The following SOD1 variants were observed in gnomAD, a reference collection of about 807,000 sequenced individuals.
SOD1 encodes superoxide dismutase [Cu-Zn].
Under a neutral mutation model 15.9 loss-of-function variants are expected in SOD1, and 8 were observed. The observed-to-expected ratio is 0.50, with a 90% CI of 0.30 to 0.91. The LOEUF (loss-of-function observed/expected upper bound fraction) is 0.91, where lower values mean the gene tolerates loss of function less well. Among genes scored for constraint, SOD1 ranks in the 40% least tolerant of loss-of-function variants. The pLI is 0.07. For missense variants in SOD1, 137 were observed against 194.5 expected (o/e 0.70, Z 1.76); for synonymous variants, 86 against 71.2 (o/e 1.21, Z -1.04).
intron 4 of SOD1, among the ~76,000 whole-genome samples, chr21:31,667,832 A>C (rs1344640343): frequency 6.6e-6 from 1 of 152,230 alleles, no homozygotes; most frequent in African/African-American, 2.4e-5. Flanking sequence ...GGGGAACTGC[A>C]TCTGGTTCTT....
At chr21:31,665,409 A>G (rs1390629182) in intron 2 of SOD1, among the ~76,000 whole-genome samples, 1 of 152,226 alleles carries the variant, frequency 6.6e-6, no homozygotes, top group Non-Finnish European at 1.5e-5. Flanking sequence ...GTGATTTGTA[A>G]TGATCAGATT....
intron 2 of SOD1, chr21:31,664,221 C>T (rs563668113): frequency 3.1e-6 from 1 of 327,828 alleles, no homozygotes; most frequent in African/African-American, 2.1e-5. Context: ...GGTCTATCCT[C>T]CTCGACCTCC....
At chr21:31,663,271 C>T (rs1209254707) in intron 1 of SOD1, among the ~76,000 whole-genome samples, 2 of 151,024 alleles carry the variant, frequency 1.3e-5, no homozygotes, top group African/African-American at 4.9e-5. Context: ...ACCCGGGAGG[C>T]GGAGCTTGCA....
Position 31,666,527 on chromosome 21 carries a change from A to G in SOD1, c.239+9A>G. On this transcript the variant is annotated intron_variant, in intron 3 of 4. Transcript: ENST00000270142. ...CCAAAGGATGAAGAGAGGTAACAAG[A>G]TGCTTAACTCTTGTAATAATGGCGA... 6.3e-7 allele frequency: 1 copy of G among 1,593,024 alleles called. No individual in the cohort carries two copies. The highest frequency in any genetic ancestry group is 8.6e-7 in the Non-Finnish European group (1 of 1,161,360).
At chr21:31,662,372 C>T (rs1412259222) in intron 1 of SOD1, among the ~76,000 whole-genome samples, 1 of 152,220 alleles carries the variant, frequency 6.6e-6, no homozygotes, top group Non-Finnish European at 1.5e-5. Flanking sequence ...TGGAAAGTCA[C>T]ATCTTAAGGG....
At chr21:31,664,577 TG>T (rs2049577158) in intron 2 of SOD1, 1 of 153,756 alleles carries the variant, frequency 6.5e-6, no homozygotes, top group Non-Finnish European at 1.4e-5. Context: ...GGGAAAGAGT[TG>T]ATGTTTTGTC....
rs2049621524 is a variant in SOD1, at chr21:31,668,666, G to A, written c.*88G>A. The A allele has an allele frequency of 3.0e-6, 3 of 1,009,258 alleles. No homozygotes were observed. Among genetic ancestry groups the A allele is most frequent in the Admixed American group, 3.6e-5 (2 of 55,436 alleles). 62.5% of individuals were successfully genotyped at this position (1,009,258 alleles called of 1,614,324 possible). A position where few individuals can be genotyped will look rare whatever the true frequency, so the allele number is the denominator to read the frequency against. ...TGTATCCTGATAAACATTAAACACT[G>A]TAATCTTAAAAGTGTAATTGTGTGA... is the stretch of plus-strand genomic sequence containing the variant. On this transcript the variant is annotated 3_prime_UTR_variant, in exon 5 of 5. Transcript: ENST00000270142.
chr21:31,664,225 G>T, intron 2 of SOD1: 1 of 326,920 alleles, frequency 3.1e-6, no homozygotes, highest in South Asian at 2.7e-5. Flanking sequence ...TATCCTCCTC[G>T]ACCTCCCAAA....
intron 3 of SOD1, 200 bp downstream of exon 3, chr21:31,666,718 C>T: frequency 3.2e-6 from 2 of 618,038 alleles, no homozygotes; most frequent in Admixed American, 2.6e-5. Context: ...AATGGGGACA[C>T]TTAAAACGAT....
chr21:31,659,879 C>T (rs2049532454), intron 1 of SOD1, 38 bp downstream of exon 1: 1 of 1,592,724 alleles, frequency 6.3e-7, no homozygotes, highest in Non-Finnish European at 8.6e-7. Context: ...CGAGGCCGCT[C>T]CCACCCGCTC....
intron 4 of SOD1, among the ~76,000 whole-genome samples, 158 bp from the exon 5 acceptor site, chr21:31,668,313 G>T (rs777018910): frequency 1.3e-5 from 2 of 152,076 alleles, no homozygotes; most frequent in Non-Finnish European, 2.9e-5. Context: ...TTGAGTAGTA[G>T]TTTCTACTTT....
chr21:31,659,731 AGTCCTCGGAACCAGGACCTC>A lies in SOD1; in HGVS notation c.-37_-18del, dbSNP rs1568807241. On this transcript the variant is annotated 5_prime_UTR_variant, in exon 1 of 5. Coordinates refer to ENST00000270142, the MANE Select transcript of SOD1 (RefSeq NM_000454.5). ...CTGCAGCGTCTGGGGTTTCCGTTGCAGTCCTCGGAACCAGGACCTCGGCGTGGCCTAGCGAGTTATGGCGA... is the reference window on the plus strand; with the variant it reads ...CTGCAGCGTCTGGGGTTTCCGTTGCAGGCGTGGCCTAGCGAGTTATGGCGA... 3 of 1,608,960 alleles carry A rather than the reference AGTCCTCGGAACCAGGACCTC, an allele frequency of 1.9e-6. No individual in the cohort carries two copies. Among genetic ancestry groups the A allele is most frequent in the South Asian group, 1.1e-5 (1 of 91,016 alleles).
At chr21:31,666,865 T>TAA in intron 3 of SOD1, 21 of 335,154 alleles carry the variant, frequency 6.3e-5, no homozygotes, top group East Asian at 3.2e-4. Flanking sequence ...CTTCTGTAGA[T>TAA]AAAAAAAAAA....
At chr21:31,664,579 A>T (rs567608751) in intron 2 of SOD1, 38 of 153,658 alleles carry the variant, frequency 2.5e-4, no homozygotes, top group Non-Finnish European at 4.9e-4. Flanking sequence ...GAAAGAGTTG[A>T]TGTTTTGTCT....
intron 1 of SOD1, among the ~76,000 whole-genome samples, chr21:31,660,960 G>A (rs1490337017): frequency 6.6e-6 from 1 of 152,204 alleles, no homozygotes; most frequent in Non-Finnish European, 1.5e-5. Flanking sequence ...ACTTCTGAAC[G>A]ACTCTTGTAA....
At chr21:31,662,870 C>A (rs1031626592) in intron 1 of SOD1, among the ~76,000 whole-genome samples, 1 of 152,012 alleles carries the variant, frequency 6.6e-6, no homozygotes, top group Non-Finnish European at 1.5e-5. Context: ...AAAAAATTAG[C>A]CGGGTGTGGT....
At position 31,668,509 on chromosome 21, in the gene SOD1, TGAA is replaced by T. The variant is rs1568811423; in HGVS notation, c.400_402del (p.Glu134del). The T allele has an allele frequency of 1.2e-6, 2 of 1,613,782 alleles. No individual in the cohort carries two copies. The highest frequency in any genetic ancestry group is 1.3e-5 in the African/African-American group (1 of 74,880). On this transcript the variant is annotated inframe_deletion, in exon 5 of 5. Transcript: ENST00000270142. ...CAGATGACTTGGGCAAAGGTGGAAA[TGAA>T]GAAAGTACAAAGACAGGAAACGCTG...
Position 31,659,802 on chromosome 21 carries a change from C to T in SOD1, c.33C>T (p.Gly11=). 3 of 1,613,858 alleles carry T rather than the reference C, an allele frequency of 1.9e-6. No individual in the cohort carries two copies. The highest frequency in any genetic ancestry group is 2.5e-6 in the Non-Finnish European group (3 of 1,179,888). Residue 11 remains glycine (G), a synonymous_variant, in exon 1 of 5, where the codon GGC becomes GGT. Transcript: ENST00000270142. ...CGAAGGCCGTGTGCGTGCTGAAGGG[C>T]GACGGCCCAGTGCAGGGCATCATCA... MATKAVCVLK[G]DGPVQGIINF...
chr21:31,664,131 C>T (rs919072223), intron 2 of SOD1, among the ~76,000 whole-genome samples: 2 of 152,062 alleles, frequency 1.3e-5, no homozygotes, highest in Non-Finnish European at 2.9e-5. Flanking sequence ...ACCACCACGC[C>T]TGGCTAATTT....
Sources: gnomAD v4.1 joint callset for allele counts (sites outside exome capture counted in the v4.1 genomes callset) on GRCh38, gnomAD v4.1.1 for gene constraint, MANE v1.5 for transcripts, NCBI Gene and HGNC (gene_info 2026-07-23, HGNC 2026-07-21) for gene names.